The following GDAP1 variants were observed in gnomAD, a reference collection of about 807,000 sequenced individuals.
GDAP1 encodes ganglioside-induced differentiation-associated protein 1.
GDAP1 carries 34 observed loss-of-function variants against 40.1 expected under a neutral mutation model. The observed-to-expected ratio is 0.85, with a 90% confidence interval of 0.64 to 1.13. GDAP1 has a LOEUF of 1.13. GDAP1 is among the 50% of genes most tolerant of loss of function. GDAP1 has a pLI of 0.00. For synonymous variants in GDAP1, 170 were observed against 157.4 expected (o/e 1.08, Z -0.60); for missense variants, 374 against 433.7 (o/e 0.86, Z 1.22).
chr8:74,405,360 A>T (rs1805625617), intron 2 of GDAP1, among the ~76,000 whole-genome samples: 1 of 150,256 alleles, frequency 6.7e-6, no homozygotes, highest in Admixed American at 6.6e-5. Flanking sequence ...ATCATTATGT[A>T]AATAGTTATT....
intron 1 of GDAP1, 139 bp downstream of exon 1, chr8:74,350,717 C>T (rs754044167): frequency 4.0e-5 from 29 of 722,080 alleles, no homozygotes; most frequent in South Asian, 1.0e-4. Flanking sequence ...GCGCTCCCTC[C>T]AGGCGGGGAC....
At chr8:74,407,159 C>T (rs573971446) in intron 2 of GDAP1, among the ~76,000 whole-genome samples, 7 of 149,918 alleles carry the variant, frequency 4.7e-5, no homozygotes, top group Admixed American at 3.3e-4. Flanking sequence ...GATCTGGGTG[C>T]GGTGGCTCAC....
intron 2 of GDAP1, among the ~76,000 whole-genome samples, chr8:74,470,274 C>G (rs1806533075): frequency 6.6e-6 from 1 of 152,066 alleles, no homozygotes; most frequent in African/African-American, 2.4e-5. Context: ...TTATTATACT[C>G]TAAGTTTTAG....
intron 2 of GDAP1, among the ~76,000 whole-genome samples, chr8:74,375,815 TA>T (rs1809843213): frequency 6.6e-6 from 1 of 152,178 alleles, no homozygotes; most frequent in Non-Finnish European, 1.5e-5. Context: ...ATAAAAGGTA[TA>T]AAATTTTAAA....
intron 2 of GDAP1, among the ~76,000 whole-genome samples, chr8:74,457,509 G>A (rs1345675480): frequency 1.3e-5 from 2 of 151,950 alleles, no homozygotes; most frequent in Non-Finnish European, 1.5e-5. Context: ...TTTCTATGGA[G>A]AGAAGGAAAA....
chr8:74,418,883 C>T (rs531993702), intron 2 of GDAP1, among the ~76,000 whole-genome samples: 8 of 152,082 alleles, frequency 5.3e-5, no homozygotes, highest in Non-Finnish European at 1.0e-4. Flanking sequence ...CTTTAACAGA[C>T]ATTTCATCAA....
Position 74,488,770 on chromosome 8 carries a change from C to G in GDAP1, c.*9C>G, listed in dbSNP as rs758200216. On this transcript the variant is annotated 3_prime_UTR_variant, in exon 3 of 3. Transcript: ENST00000523640. ...AGAGCTTGCTGCCTTGACAGTGTATCAATAGCAGAGCTGATCTGGCACCTG... is the reference window on the plus strand; with the variant it reads ...AGAGCTTGCTGCCTTGACAGTGTATGAATAGCAGAGCTGATCTGGCACCTG... 4.6e-5 allele frequency: 7 copies of G among 152,172 alleles called. No homozygotes were observed. The highest frequency in any genetic ancestry group is 7.3e-5 in the Non-Finnish European group (5 of 68,030). The allele number at this position is 152,172 out of a possible 1,614,324, so 9.4% of individuals were successfully genotyped here.
At chr8:74,391,707 G>A (rs1810112806) in intron 2 of GDAP1, among the ~76,000 whole-genome samples, 1 of 151,918 alleles carries the variant, frequency 6.6e-6, no homozygotes, top group South Asian at 2.1e-4. Flanking sequence ...TAATATTACT[G>A]GTTAATTTTG....
intron 2 of GDAP1, among the ~76,000 whole-genome samples, chr8:74,467,570 G>A (rs1166992382): frequency 1.3e-5 from 2 of 152,294 alleles, no homozygotes; most frequent in Middle Eastern, 6.8e-3. Context: ...AGTAGGGCCT[G>A]GAGGGTTCCA....
chr8:74,430,430 A>C (rs1467979994), intron 2 of GDAP1, among the ~76,000 whole-genome samples: 1 of 152,216 alleles, frequency 6.6e-6, no homozygotes, highest in South Asian at 2.1e-4. Context: ...ATGATACTCC[A>C]CACAATATGG....
At chr8:74,416,902 GTTT>G (rs1323353491) in intron 2 of GDAP1, among the ~76,000 whole-genome samples, 2 of 135,288 alleles carry the variant, frequency 1.5e-5, no homozygotes, top group African/African-American at 6.0e-5. Flanking sequence ...CTTATGAAAA[GTTT>G]TTTTTTTTGT....
intron 2 of GDAP1, among the ~76,000 whole-genome samples, chr8:74,419,238 TG>T (rs1245385495): frequency 2.6e-5 from 4 of 152,214 alleles, no homozygotes; most frequent in Non-Finnish European, 4.4e-5. Context: ...ATGTTTATGG[TG>T]GTTTTCTTCA....
At chr8:74,418,000 A>G (rs1369478645) in intron 2 of GDAP1, among the ~76,000 whole-genome samples, 1 of 152,214 alleles carries the variant, frequency 6.6e-6, no homozygotes, top group Non-Finnish European at 1.5e-5. Flanking sequence ...GGATCTATAT[A>G]TTGAAAATGA....
At chr8:74,465,293 A>G (rs1806455423) in intron 2 of GDAP1, among the ~76,000 whole-genome samples, 1 of 152,086 alleles carries the variant, frequency 6.6e-6, no homozygotes, top group Non-Finnish European at 1.5e-5. Context: ...GTTCCTCCCT[A>G]TCTTTATTTC....
intron 2 of GDAP1, among the ~76,000 whole-genome samples, chr8:74,373,061 A>ATGG (rs1421248700): frequency 6.6e-6 from 1 of 152,192 alleles, no homozygotes; most frequent in African/African-American, 2.4e-5. Flanking sequence ...CAAAGATCAG[A>ATGG]TGGTTGTAGA....
At chr8:74,420,740 G>A (rs1805845886) in intron 2 of GDAP1, among the ~76,000 whole-genome samples, 1 of 151,594 alleles carries the variant, frequency 6.6e-6, no homozygotes, top group Admixed American at 6.6e-5. Context: ...AGGTTATGTG[G>A]GTAGTAGATA....
At chr8:74,372,596 G>A (rs1018771254) in intron 2 of GDAP1, among the ~76,000 whole-genome samples, 38 of 152,142 alleles carry the variant, frequency 2.5e-4, no homozygotes, top group South Asian at 4.1e-4. Context: ...CATATCCTTC[G>A]CCCACTTTTT....
At chr8:74,372,426 A>G (rs946225999) in intron 2 of GDAP1, among the ~76,000 whole-genome samples, 1 of 152,106 alleles carries the variant, frequency 6.6e-6, no homozygotes, top group Non-Finnish European at 1.5e-5. Context: ...CCTCTCCAGC[A>G]CCTGTTGTTT....
At chr8:74,434,606 T>C (rs1003467290) in intron 2 of GDAP1, among the ~76,000 whole-genome samples, 1 of 152,228 alleles carries the variant, frequency 6.6e-6, no homozygotes, top group African/African-American at 2.4e-5. Flanking sequence ...ACTTAGTCTT[T>C]ATCAGACATG....
Sources: gnomAD v4.1 joint callset for allele counts (sites outside exome capture counted in the v4.1 genomes callset) on GRCh38, gnomAD v4.1.1 for gene constraint, MANE v1.5 for transcripts, NCBI Gene and HGNC (gene_info 2026-07-23, HGNC 2026-07-21) for gene names.